The following KMT5C variants were observed in gnomAD, a reference collection of about 807,000 sequenced individuals.
KMT5C encodes lysine methyltransferase 5C, also known as histone-lysine N-methyltransferase KMT5C.
Under a neutral mutation model 38.2 loss-of-function variants are expected in KMT5C, and 16 were observed. That is an observed-to-expected ratio of 0.42 (90% CI 0.28 to 0.64). The LOEUF (loss-of-function observed/expected upper bound fraction) is 0.64. Ranked by LOEUF, KMT5C falls within the 30% of genes least tolerant of loss-of-function variation. KMT5C has a pLI of 0.23. For synonymous variants in KMT5C, 291 were observed against 279.0 expected (o/e 1.04, Z -0.43); for missense variants, 598 against 665.1 (o/e 0.90, Z 1.11).
rs201773303 is a variant in KMT5C at position 55,342,780 on chromosome 19, C to T, written c.315C>T (p.Gly105=). The T allele has an allele frequency of 2.1e-4, 338 of 1,613,432 alleles. 1 individual carries two copies. In the East Asian group the frequency reaches 6.4e-3, roughly 31 times the overall value. Residue 105 remains glycine (G), a synonymous_variant, in exon 4 of 9, where the codon GGC becomes GGT. Coordinates refer to ENST00000255613, the MANE Select transcript of KMT5C (RefSeq NM_032701.4). ...RYLRAFLPES[G]FTILPCTRYS... is the part of the protein sequence containing the mutation. Reference sequence around the variant, plus strand: ...TCCGTGCCTTCCTGCCGGAAAGTGGCTTTACCATCCTGCCCTGCACGCGCT... The same window carrying T: ...TCCGTGCCTTCCTGCCGGAAAGTGGTTTTACCATCCTGCCCTGCACGCGCT...
At chr19:55,346,020 G>T (rs2089612507) in intron 6 of KMT5C, 193 bp from the exon 7 acceptor site, 4 of 626,192 alleles carry the variant, frequency 6.4e-6, no homozygotes, top group South Asian at 5.8e-5. Context: ...CCAGTGGGTG[G>T]ATTGTCCAGG....
intron 6 of KMT5C, among the ~76,000 whole-genome samples, chr19:55,345,744 A>T (rs1221692929): frequency 6.6e-6 from 1 of 152,200 alleles, no homozygotes; most frequent in African/African-American, 2.4e-5. Context: ...AGGCAGGGCC[A>T]GAGCACACAC....
Position 55,343,920 on chromosome 19 carries a change from C to G in KMT5C, c.551-58C>G, listed in dbSNP as rs557514397. Reference sequence around the variant, plus strand: ...GGAGGGGTGTAGTGGGAGGGTTCTGCGACTGAGCTGCCGAGCTCATCTACC... The same window carrying G: ...GGAGGGGTGTAGTGGGAGGGTTCTGGGACTGAGCTGCCGAGCTCATCTACC... On this transcript the variant is annotated intron_variant, in intron 5 of 8. Transcript: ENST00000255613. The surrounding 1 kb of genome is among the most constrained non-coding windows in gnomAD (Gnocchi z 5.5). 4.4e-6 allele frequency: 7 copies of G among 1,607,228 alleles called. No homozygotes were observed. The highest frequency in any genetic ancestry group is 6.0e-6 in the Non-Finnish European group (7 of 1,174,646).
At position 55,346,216 on chromosome 19, in the gene KMT5C, G is replaced by T. The variant is rs1185172527; in HGVS notation, c.574G>T (p.Val192Leu). 2.5e-6 allele frequency: 4 copies of T among 1,613,832 alleles called. No homozygotes were observed. The highest frequency in any genetic ancestry group is 2.5e-6 in the Non-Finnish European group (3 of 1,179,926). The change falls in exon 7 of 9, where the codon GTG becomes TTG. Residue 192 changes from valine to leucine, a missense_variant. Transcript: ENST00000255613. ...NHDCKPNCKFVPADGNAACVK... is the reference protein window; with the variant it reads ...NHDCKPNCKFLPADGNAACVK... Reference sequence around the variant, plus strand: ...GCTGAGTGGGCTTGGCCCTCAGTTTGTGCCTGCAGATGGGAACGCAGCCTG... The same window carrying T: ...GCTGAGTGGGCTTGGCCCTCAGTTTTTGCCTGCAGATGGGAACGCAGCCTG...
intron 7 of KMT5C, 21 bp from the exon 8 acceptor site, chr19:55,346,479 C>G (rs1352795381): frequency 6.3e-7 from 1 of 1,592,048 alleles, no homozygotes; most frequent in Non-Finnish European, 8.5e-7. Context: ...GGCCTCATCT[C>G]CCCTTCACCC....
In KMT5C at chr19:55,347,466, G is replaced by A. The variant is rs1271865595; in HGVS notation, c.*17G>A. On this transcript the variant is annotated 3_prime_UTR_variant, in exon 9 of 9. Transcript: ENST00000255613. This position sits in a 1 kb window ranked among gnomAD's most constrained non-coding sequence, Gnocchi z 4.6. ...GAGCTGTGACAGGCCGGACGGGGAGGCCCAGCAGGGAGAGAGGGTCTCTCT... is the reference window on the plus strand; with the variant it reads ...GAGCTGTGACAGGCCGGACGGGGAGACCCAGCAGGGAGAGAGGGTCTCTCT... The A allele has an allele frequency of 2.0e-6, 3 of 1,514,816 alleles. No homozygotes were observed. The highest frequency in any genetic ancestry group is 2.6e-6 in the Non-Finnish European group (3 of 1,139,224). The allele number at this position is 1,514,816 out of a possible 1,614,324, so 93.8% of individuals were successfully genotyped here.
At chr19:55,344,364 A>C (rs2089593936) in intron 6 of KMT5C, 1 of 194,406 alleles carries the variant, frequency 5.1e-6, no homozygotes, top group Non-Finnish European at 1.1e-5. Context: ...TCTGTCTCAA[A>C]AAAAAAAAAA....
chr19:55,347,126 C>T lies in KMT5C; in HGVS notation c.1066C>T (p.Leu356=), dbSNP rs773128771. The change falls in exon 9 of 9, where the codon CTG becomes TTG. Residue 356 remains leucine, a synonymous_variant. Transcript: ENST00000255613. This position sits in a 1 kb window ranked among gnomAD's most constrained non-coding sequence, Gnocchi z 4.6. ...LSTHHAARVS[L]HRWGGCGPHC... Reference sequence around the variant, plus strand: ...CACCCACCACGCTGCCCGCGTCTCCCTGCACCGATGGGGAGGCTGTGGCCC... The same window carrying T: ...CACCCACCACGCTGCCCGCGTCTCCTTGCACCGATGGGGAGGCTGTGGCCC... The T allele has an allele frequency of 6.5e-7, 1 of 1,544,934 alleles. No homozygotes were observed. Among genetic ancestry groups the T allele is most frequent in the Non-Finnish European group, 8.7e-7 (1 of 1,152,228 alleles).
rs768364618 is a variant in KMT5C, at chr19:55,342,354, C to A, written c.250C>A (p.Arg84=). 17 of 1,541,084 alleles carry A rather than the reference C, an allele frequency of 1.1e-5. No homozygotes were observed. Among genetic ancestry groups the A allele is most frequent in the South Asian group, 6.0e-5 (5 of 83,176 alleles). The change falls in exon 3 of 9, where the codon CGG becomes AGG. Residue 84 remains arginine, a synonymous_variant. Coordinates refer to ENST00000255613, the MANE Select transcript of KMT5C (RefSeq NM_032701.4). The stretch of plus-strand genomic sequence containing the variant: ...CCGCTACTTCCAGAGCCGGGGCCCG[C>A]GGCAGGAGGCTGCCCTCAAGACCCA... The part of the protein sequence containing the change: ...TARYFQSRGP[R]QEAALKTHVY...
At position 55,343,567 on chromosome 19, in the gene KMT5C, A is replaced by G; in HGVS notation, c.387-113A>G. Reference sequence around the variant, plus strand: ...AGATGGATCGCCAATAGCCAGCACCAGCGCCCAGGAGTCCCTCCTTCCTGG... The same window carrying G: ...AGATGGATCGCCAATAGCCAGCACCGGCGCCCAGGAGTCCCTCCTTCCTGG... On this transcript the variant is annotated intron_variant, in intron 4 of 8. Transcript: ENST00000255613. The surrounding 1 kb of genome is among the most constrained non-coding windows in gnomAD (Gnocchi z 5.5). 9.9e-7 allele frequency: 1 copy of G among 1,008,698 alleles called. No homozygotes were observed. The highest frequency in any genetic ancestry group is 1.4e-6 in the Non-Finnish European group (1 of 691,082). 62.5% of individuals were successfully genotyped at this position (1,008,698 alleles called of 1,614,324 possible).
chr19:55,346,327 T>C lies in KMT5C; in HGVS notation c.685T>C (p.Cys229Arg). 1 of 1,614,030 alleles carries C rather than the reference T, an allele frequency of 6.2e-7. No individual in the cohort carries two copies. Among genetic ancestry groups the C allele is most frequent in the Non-Finnish European group, 8.5e-7 (1 of 1,179,940 alleles). ...CTTCTTCGGCGAGAAGAATGAGCACTGTGAATGCCACACCTGTGAGAGGTG... is the reference window on the plus strand; with the variant it reads ...CTTCTTCGGCGAGAAGAATGAGCACCGTGAATGCCACACCTGTGAGAGGTG... ...EGFFGEKNEH[C>R]ECHTCERKGE... The change falls in exon 7 of 9, where the codon TGT (cysteine) becomes CGT (arginine). Residue 229 changes from cysteine to arginine, a missense_variant. Cys to Arg is a radical substitution (Grantham distance 180). This residue lies in a region of KMT5C where 105 missense variants were observed against 179.2 expected (regional missense o/e 0.59). Transcript: ENST00000255613.
In KMT5C at chr19:55,347,276, C is replaced by G; in HGVS notation, c.1216C>G (p.Leu406Val). 2 of 1,557,970 alleles carry G rather than the reference C, an allele frequency of 1.3e-6. No homozygotes were observed. The highest frequency in any genetic ancestry group is 1.7e-6 in the Non-Finnish European group (2 of 1,154,414). Residue 406 changes from leucine (L) to valine (V), a missense_variant, in exon 9 of 9, where the codon CTT becomes GTT. This residue lies in a region of KMT5C where 326 missense variants were observed against 298.1 expected (regional missense o/e 1.09). Coordinates refer to ENST00000255613, the MANE Select transcript of KMT5C (RefSeq NM_032701.4). This position sits in a 1 kb window ranked among gnomAD's most constrained non-coding sequence, Gnocchi z 4.6. The part of the protein sequence containing the change: ...YGLPYVVRVD[L>V]RRLAPAPPAT... The stretch of plus-strand genomic sequence containing the variant: ...GCTGCCTTACGTGGTGCGTGTGGAC[C>G]TTCGTCGCCTGGCCCCAGCCCCACC...
rs184367302 is a variant in KMT5C at position 55,342,227 on chromosome 19, C to A, written c.123C>A (p.Pro41=). 470 of 1,609,982 alleles carry A rather than the reference C, an allele frequency of 2.9e-4. 1 individual carries two copies. The highest frequency in any genetic ancestry group is 1.6e-3 in the African/African-American group (120 of 75,004). Residue 41 remains proline, a synonymous_variant, in exon 3 of 9, where the codon CCC becomes CCA. Transcript: ENST00000255613. ...CCCTCTCCCCCAGCCCTGTGCCCCC[C>A]CTGCGGCGACAGCAGCACCTGCGCT... The part of the protein sequence containing the change: ...THKMNVSPVP[P]LRRQQHLRSA...
In KMT5C at chr19:55,342,801, G is replaced by A. The variant is rs142855108; in HGVS notation, c.336G>A (p.Thr112=). The change falls in exon 4 of 9, where the codon ACG becomes ACA. Residue 112 remains threonine, a synonymous_variant. Transcript: ENST00000255613. Reference sequence around the variant, plus strand: ...GTGGCTTTACCATCCTGCCCTGCACGCGCTACTCCATGGAGACCAACGGGG... The same window carrying A: ...GTGGCTTTACCATCCTGCCCTGCACACGCTACTCCATGGAGACCAACGGGG... ...PESGFTILPC[T]RYSMETNGAK... is the part of the protein sequence containing the mutation. The A allele has an allele frequency of 8.7e-6, 14 of 1,613,438 alleles. No individual in the cohort carries two copies. Among genetic ancestry groups the A allele is most frequent in the Admixed American group, 6.7e-5 (4 of 59,992 alleles).
chr19:55,347,216 C>T lies in KMT5C; in HGVS notation c.1156C>T (p.Pro386Ser), dbSNP rs1430231487. 1 of 1,541,176 alleles carries T rather than the reference C, an allele frequency of 6.5e-7. No individual in the cohort carries two copies. Among genetic ancestry groups the T allele is most frequent in the Non-Finnish European group, 8.7e-7 (1 of 1,147,238 alleles). ...LGQPPHARWA[P>S]QQDWHWARRY... The stretch of plus-strand genomic sequence containing the variant: ...CCAGCCCCCCCACGCCCGCTGGGCC[C>T]CTCAGCAGGACTGGCACTGGGCCCG... The change falls in exon 9 of 9, where the codon CCT becomes TCT. Residue 386 changes from proline to serine, a missense_variant. Physicochemically the swap from Pro to Ser is moderately conservative, Grantham distance 74 (BLOSUM62 -1). This residue lies in a region of KMT5C where 326 missense variants were observed against 298.1 expected (regional missense o/e 1.09). Transcript: ENST00000255613. This position sits in a 1 kb window ranked among gnomAD's most constrained non-coding sequence, Gnocchi z 4.6.
Position 55,346,368 on chromosome 19 carries a change from CGGCTGGGTTCGGGTCGTCTG to C in KMT5C, c.707+24_707+43del. On this transcript the variant is annotated intron_variant, in intron 7 of 8. Transcript: ENST00000255613. ...GTGAGAGGTGGGACCGGGCGAGAGG[CGGCTGGGTTCGGGTCGTCTG>C]GGCTTCTTGAGCCCAGAAACGCACC... is the stretch of plus-strand genomic sequence containing the variant. 6.2e-7 allele frequency: 1 copy of C among 1,613,812 alleles called. No individual in the cohort carries two copies. The highest frequency in any genetic ancestry group is 8.5e-7 in the Non-Finnish European group (1 of 1,179,876).
At chr19:55,340,335 G>A (rs915378387) in intron 1 of KMT5C, among the ~76,000 whole-genome samples, 34 of 146,340 alleles carry the variant, frequency 2.3e-4, no homozygotes, top group Admixed American at 2.0e-4. Context: ...GCCTCTCCCT[G>A]ACCCTTCTCT....
At chr19:55,344,190 A>C in intron 6 of KMT5C, 193 bp downstream of exon 6, 1 of 532,528 alleles carries the variant, frequency 1.9e-6, no homozygotes, top group East Asian at 3.5e-5. Flanking sequence ...GTGAAACCCC[A>C]TCTCTACTAA....
rs1365957328 is a variant in KMT5C, at chr19:55,343,958, C to A, written c.551-20C>A. 6.2e-7 allele frequency: 1 copy of A among 1,612,316 alleles called. No individual in the cohort carries two copies. ...GAGCTCATCTACCTCTCTTCTCTCT[C>A]CTGCCCCAACTGGCTCCAGACTGCA... On this transcript the variant is annotated intron_variant, in intron 5 of 8. Transcript: ENST00000255613. The surrounding 1 kb of genome is among the most constrained non-coding windows in gnomAD (Gnocchi z 5.5).
Sources: gnomAD v4.1 joint callset for allele counts (sites outside exome capture counted in the v4.1 genomes callset) on GRCh38, gnomAD v4.1.1 for gene constraint, gnomAD v4.1.1 regional missense constraint, Gnocchi (gnomAD v3.1) non-coding constraint, MANE v1.5 for transcripts, NCBI Gene and HGNC (gene_info 2026-07-23, HGNC 2026-07-21) for gene names.